The following MAP2 variants were observed in gnomAD, a reference collection of about 807,000 sequenced individuals.
MAP2 encodes microtubule associated protein 2, also known as microtubule-associated protein 2.
Under a neutral mutation model 137.6 loss-of-function variants are expected in MAP2, and 14 were observed. The observed-to-expected ratio is 0.10, with a 90% CI of 0.07 to 0.16. MAP2 has a LOEUF of 0.16. MAP2 is among the 10% of genes least tolerant of loss of function. The pLI is 1.00. For missense variants in MAP2, 2,088 were observed against 2,191.5 expected (o/e 0.95, Z 0.94); for synonymous variants, 786 against 782.3 (o/e 1.00, Z -0.08).
At chr2:209,657,339 G>C (rs1435197182) in intron 5 of MAP2, among the ~76,000 whole-genome samples, 1 of 152,112 alleles carries the variant, frequency 6.6e-6, no homozygotes, top group African/African-American at 2.4e-5. Flanking sequence ...TCAGTTCTTT[G>C]AGAAATCTCC....
chr2:209,661,432 C>A, intron 5 of MAP2: 1 of 811,840 alleles, frequency 1.2e-6, no homozygotes, highest in Non-Finnish European at 1.5e-6. Context: ...GCCAACCACT[C>A]ATTGCTCTGG....
intron 2 of MAP2, among the ~76,000 whole-genome samples, chr2:209,572,709 C>T (rs2074597135): frequency 6.6e-6 from 1 of 152,072 alleles, no homozygotes; most frequent in Non-Finnish European, 1.5e-5. Flanking sequence ...ATAAATTTGT[C>T]CATTGTTTGC....
At chr2:209,514,712 TA>T (rs113262429) in intron 2 of MAP2, among the ~76,000 whole-genome samples, 7 of 152,274 alleles carry the variant, frequency 4.6e-5, no homozygotes, top group African/African-American at 1.7e-4. Context: ...TATTGCAGAA[TA>T]AGAACTGCAT....
intron 1 of MAP2, among the ~76,000 whole-genome samples, chr2:209,455,642 C>A (rs1701361792): frequency 6.6e-6 from 1 of 152,114 alleles, no homozygotes; most frequent in South Asian, 2.1e-4. Flanking sequence ...AAAAACACGG[C>A]TTCATGTTCT....
chr2:209,715,162 A>T (rs1316233420), intron 13 of MAP2, among the ~76,000 whole-genome samples: 1 of 152,084 alleles, frequency 6.6e-6, no homozygotes, highest in East Asian at 1.9e-4. Flanking sequence ...GTTTTCTCCT[A>T]TAATTGACAG....
chr2:209,475,514 A>T (rs1387628230), intron 1 of MAP2, among the ~76,000 whole-genome samples: 2 of 152,110 alleles, frequency 1.3e-5, no homozygotes. Context: ...ATTTCATCTA[A>T]GGGTACATAT....
intron 1 of MAP2, among the ~76,000 whole-genome samples, chr2:209,441,417 TTTAAA>T (rs1452598143): frequency 1.3e-5 from 2 of 151,638 alleles, no homozygotes; most frequent in Non-Finnish European, 3.0e-5. Flanking sequence ...CCAATGTCTA[TTTAAA>T]TTCTCTGAGA....
intron 1 of MAP2, among the ~76,000 whole-genome samples, chr2:209,438,143 A>G (rs1165941181): frequency 6.6e-6 from 1 of 151,640 alleles, no homozygotes; most frequent in South Asian, 2.1e-4. Context: ...AAATGAAAAG[A>G]TGGTGTTGTA....
At chr2:209,594,911 C>G (rs1051440179) in intron 3 of MAP2, among the ~76,000 whole-genome samples, 3 of 152,054 alleles carry the variant, frequency 2.0e-5, no homozygotes, top group African/African-American at 7.2e-5. Flanking sequence ...ATATATAAGA[C>G]TTTCTCATGG....
In MAP2 at chr2:209,693,771, A is replaced by G. The variant is rs1453398772; in HGVS notation, c.1601A>G (p.Gln534Arg). 4.3e-6 allele frequency: 7 copies of G among 1,613,880 alleles called. No individual in the cohort carries two copies. The highest frequency in any genetic ancestry group is 5.9e-6 in the Non-Finnish European group (7 of 1,179,968). ...GCATTAATTGAAAAGAGCTCAATTC[A>G]GGAACTTTTTGAAATGAGAGTTGAT... is the stretch of plus-strand genomic sequence containing the variant. Reference protein sequence around the residue: ...PSALIEKSSIQELFEMRVDDK... With the variant: ...PSALIEKSSIRELFEMRVDDK... Residue 534 changes from glutamine (Q) to arginine (R), a missense_variant, in exon 8 of 16, where the codon CAG becomes CGG. By Grantham distance (43) the Gln-to-Arg change is conservative (BLOSUM62 1). Coordinates refer to ENST00000682079, the MANE Select transcript of MAP2 (RefSeq NM_001375505.1).
chr2:209,563,703 G>A (rs1204213966), intron 2 of MAP2, among the ~76,000 whole-genome samples: 1 of 152,226 alleles, frequency 6.6e-6, no homozygotes, highest in Non-Finnish European at 1.5e-5. Flanking sequence ...GGCGCTGGCT[G>A]TGCTGTTCCC....
intron 5 of MAP2, among the ~76,000 whole-genome samples, chr2:209,672,159 A>G (rs577029711): frequency 2.0e-5 from 3 of 152,016 alleles, no homozygotes; most frequent in African/African-American, 7.2e-5. Flanking sequence ...CATGATGGCT[A>G]CAAATGCTGA....
At chr2:209,683,428 T>C (rs1156504442) in intron 7 of MAP2, among the ~76,000 whole-genome samples, 1 of 152,212 alleles carries the variant, frequency 6.6e-6, no homozygotes, top group East Asian at 1.9e-4. Context: ...TTTTATAAAC[T>C]CTATCTCTAT....
chr2:209,715,358 C>A (rs760074341), intron 13 of MAP2, among the ~76,000 whole-genome samples: 15 of 152,010 alleles, frequency 9.9e-5, no homozygotes, highest in Non-Finnish European at 1.8e-4. Context: ...TTTTACCTTT[C>A]TTTACTTGAC....
At chr2:209,679,156 T>C (rs1441581872) in intron 6 of MAP2, among the ~76,000 whole-genome samples, 2 of 152,018 alleles carry the variant, frequency 1.3e-5, no homozygotes, top group East Asian at 3.9e-4. Flanking sequence ...GTGAGTGACT[T>C]TGTATCTTAT....
At chr2:209,542,066 C>T (rs1011601132) in intron 2 of MAP2, among the ~76,000 whole-genome samples, 6 of 152,136 alleles carry the variant, frequency 3.9e-5, no homozygotes, top group Admixed American at 3.9e-4. Flanking sequence ...AAATGCATTT[C>T]TTAAATAAGA....
intron 1 of MAP2, among the ~76,000 whole-genome samples, chr2:209,456,510 G>C (rs1575267412): frequency 1.3e-5 from 2 of 152,302 alleles, no homozygotes; most frequent in East Asian, 1.9e-4. Context: ...AAGCACAAAG[G>C]CTGCAAACTG....
intron 11 of MAP2, among the ~76,000 whole-genome samples, chr2:209,702,609 C>T (rs538544613): frequency 2.6e-5 from 4 of 152,114 alleles, no homozygotes; most frequent in Admixed American, 1.3e-4. Flanking sequence ...CATAATCCTG[C>T]ATTTCACGTG....
At chr2:209,434,109 A>C (rs1039461713) in intron 1 of MAP2, among the ~76,000 whole-genome samples, 4 of 152,068 alleles carry the variant, frequency 2.6e-5, no homozygotes, top group African/African-American at 9.7e-5. Context: ...ATCATGTATG[A>C]GATTAATAAG....
Sources: allele counts gnomAD v4.1 joint callset (sites outside exome capture counted in the v4.1 genomes callset), GRCh38; gene constraint gnomAD v4.1.1; transcripts MANE v1.5; gene names NCBI Gene and HGNC (gene_info 2026-07-23, HGNC 2026-07-21).